GAB2: variants seen among roughly 807,000 people sequenced by gnomAD.
The protein encoded by GAB2 is GRB2 associated binding protein 2, also known as GRB2-associated-binding protein 2.
GAB2 carries 26 observed loss-of-function variants against 65.5 expected under a neutral mutation model. The observed-to-expected ratio is 0.40, with a 90% confidence interval of 0.29 to 0.55. The LOEUF is 0.55. GAB2 is among the 20% of genes least tolerant of loss of function. GAB2 has a pLI of 0.53. For synonymous variants in GAB2, 321 were observed against 329.6 expected, an observed-to-expected ratio of 0.97 and a Z score of 0.28; for missense variants, 884 against 875.8, an observed-to-expected ratio of 1.01 and a Z score of -0.12.
chr11:78,363,418 A>C (rs1183158192), intron 1 of GAB2, among the ~76,000 whole-genome samples: 1 of 152,174 alleles, frequency 6.6e-6, no homozygotes, highest in African/African-American at 2.4e-5. Context: ...ATGTTTTATG[A>C]GTCATCTACT....
At chr11:78,241,726 G>A (rs1453270822) in intron 3 of GAB2, among the ~76,000 whole-genome samples, 2 of 152,124 alleles carry the variant, frequency 1.3e-5, no homozygotes, top group Non-Finnish European at 2.9e-5. Context: ...ATCTGAACTT[G>A]AAGAAAGGTA....
chr11:78,392,726 C>G lies in GAB2; in HGVS notation c.75+24920G>C, dbSNP rs115403348. Among the ~76,000 whole-genome samples the G allele has an allele frequency of 9.2e-3, 1,403 of 152,246 alleles. 24 individuals are homozygous for G. Among genetic ancestry groups the G allele is most frequent in the African/African-American group, 0.032 (1,331 of 41,534 alleles). On this transcript the variant is annotated intron_variant, in intron 1 of 9. Coordinates refer to ENST00000361507, the MANE Select transcript of GAB2 (RefSeq NM_080491.3). ...ATCCCTCTCCATCCACACACCTTAC[C>G]TCGACATTCATGAGCTCACATCTTT...
At chr11:78,388,177 C>T (rs1318778373) in intron 1 of GAB2, 1 of 152,054 alleles carries the variant, frequency 6.6e-6, no homozygotes, top group African/African-American at 2.4e-5. Context: ...AGGCATGCAC[C>T]ACCACACCCG....
At chr11:78,233,246 G>C (rs1463405400) in intron 3 of GAB2, among the ~76,000 whole-genome samples, 2 of 152,096 alleles carry the variant, frequency 1.3e-5, no homozygotes, top group Non-Finnish European at 2.9e-5. Context: ...TGTTGCCCGG[G>C]CTGGTCTCAA....
At chr11:78,219,754 G>T (rs1356022156) in intron 9 of GAB2, among the ~76,000 whole-genome samples, 2 of 152,148 alleles carry the variant, frequency 1.3e-5, no homozygotes, top group Non-Finnish European at 2.9e-5. Flanking sequence ...CTCATCCAGG[G>T]GAAGGAATTT....
At chr11:78,265,203 CATATAT>C (rs10530509) in intron 2 of GAB2, among the ~76,000 whole-genome samples, 33,498 of 144,860 alleles carry the variant, frequency 0.23, 4,333 homozygotes, top group East Asian at 0.41. Context: ...TTCTATACCA[CATATAT>C]ATATATATAT....
At chr11:78,262,727 A>C (rs1683837422) in intron 2 of GAB2, among the ~76,000 whole-genome samples, 1 of 152,204 alleles carries the variant, frequency 6.6e-6, no homozygotes, top group African/African-American at 2.4e-5. Flanking sequence ...GGTTTTTAAA[A>C]TTGCAGTCCA....
chr11:78,281,768 T>C (rs112379278), intron 1 of GAB2, among the ~76,000 whole-genome samples: 6,567 of 152,274 alleles, frequency 0.043, 430 homozygotes, highest in African/African-American at 0.15. Flanking sequence ...GGAAGTTAGA[T>C]GATGACACTT....
chr11:78,406,744 C>T (rs1269672843), intron 1 of GAB2, among the ~76,000 whole-genome samples: 2 of 152,074 alleles, frequency 1.3e-5, no homozygotes, highest in African/African-American at 2.4e-5. Flanking sequence ...AAAAGACAAT[C>T]GACAGATGCC....
rs557675466 is a variant in GAB2 at position 78,371,292 on chromosome 11, G to A, written c.75+46354C>T. Reference sequence around the variant, plus strand: ...CTCAGTAGTCTAATGAAAAGGGCAGGGACTTGCAGCCAGACAGTTCTGAGA... The same window carrying A: ...CTCAGTAGTCTAATGAAAAGGGCAGAGACTTGCAGCCAGACAGTTCTGAGA... On this transcript the variant is annotated intron_variant, in intron 1 of 9. Transcript: ENST00000361507. 2.6e-5 allele frequency among the ~76,000 whole-genome samples: 4 copies of A among 152,294 alleles called. No homozygotes were observed. In the South Asian group the frequency reaches 8.3e-4, roughly 32 times the overall value.
intron 1 of GAB2, among the ~76,000 whole-genome samples, chr11:78,367,490 C>T (rs901747885): frequency 1.3e-5 from 2 of 152,208 alleles, no homozygotes; most frequent in Non-Finnish European, 2.9e-5. Flanking sequence ...GTTCCCAGAT[C>T]TGGAAGCTGG....
At position 78,227,060 on chromosome 11, in the gene GAB2, G is replaced by C; in HGVS notation, c.621-9C>G. The C allele has an allele frequency of 6.5e-7, 1 of 1,549,020 alleles. No homozygotes were observed. Among genetic ancestry groups the C allele is most frequent in the Non-Finnish European group, 8.9e-7 (1 of 1,127,276 alleles). On this transcript the variant is annotated splice_polypyrimidine_tract_variant and intron_variant, in intron 3 of 9. Transcript: ENST00000361507. The stretch of plus-strand genomic sequence containing the variant: ...GAGAGAAGCTGGCACTCCTAAAAGA[G>C]AAAGAAGGGAAAGGGCAGGAGGGTG...
At chr11:78,341,313 G>A (rs1001192514) in intron 1 of GAB2, among the ~76,000 whole-genome samples, 2 of 152,102 alleles carry the variant, frequency 1.3e-5, no homozygotes, top group Non-Finnish European at 2.9e-5. Flanking sequence ...GGTAATATTG[G>A]TAAATGGTAA....
At chr11:78,260,255 C>T (rs1865693513) in intron 2 of GAB2, among the ~76,000 whole-genome samples, 1 of 152,164 alleles carries the variant, frequency 6.6e-6, no homozygotes, top group Non-Finnish European at 1.5e-5. Flanking sequence ...AGAGCCAAGT[C>T]AGAACATCCT....
At chr11:78,401,079 G>A (rs1467834250) in intron 1 of GAB2, among the ~76,000 whole-genome samples, 1 of 150,916 alleles carries the variant, frequency 6.6e-6, no homozygotes, top group East Asian at 1.9e-4. Context: ...AGAAATATGA[G>A]CAAGACCAAT....
intron 3 of GAB2, among the ~76,000 whole-genome samples, chr11:78,230,258 G>T (rs545698556): frequency 6.6e-6 from 1 of 152,164 alleles, no homozygotes; most frequent in African/African-American, 2.4e-5. Context: ...ACTAGCTTAC[G>T]TTCCAACTTC....
chr11:78,387,607 T>C (rs981866380), intron 1 of GAB2, among the ~76,000 whole-genome samples: 1 of 152,180 alleles, frequency 6.6e-6, no homozygotes, highest in African/African-American at 2.4e-5. Flanking sequence ...CACTCACATA[T>C]CCTGCTGTCA....
chr11:78,229,353 G>T (rs148617481), intron 3 of GAB2, among the ~76,000 whole-genome samples: 93 of 152,276 alleles, frequency 6.1e-4, no homozygotes, highest in Middle Eastern at 3.4e-3. Context: ...AGGCAGGGCT[G>T]AGAGAAGACA....
chr11:78,227,624 T>C (rs1286717081), intron 3 of GAB2, among the ~76,000 whole-genome samples: 12 of 93,570 alleles, frequency 1.3e-4, no homozygotes, highest in South Asian at 1.2e-3. Flanking sequence ...TAAGACTCCA[T>C]TGCCACCAAA....
Sources: allele counts gnomAD v4.1 joint callset (sites outside exome capture counted in the v4.1 genomes callset), GRCh38; gene constraint gnomAD v4.1.1; transcripts MANE v1.5; gene names NCBI Gene and HGNC (gene_info 2026-07-23, HGNC 2026-07-21).